CMIP: variants seen among roughly 807,000 people sequenced by gnomAD.
The protein encoded by CMIP is C-Maf-inducing protein.
CMIP carries 13 observed loss-of-function variants against 97.3 expected under a neutral mutation model. The observed-to-expected ratio is 0.13, with a 90% CI of 0.09 to 0.21. The LOEUF is 0.21. Ranked by LOEUF, CMIP falls within the 10% of genes least tolerant of loss-of-function variation. The pLI is 1.00. For missense variants in CMIP, 847 were observed against 1,024.9 expected, an observed-to-expected ratio of 0.83 and a Z score of 2.37; for synonymous variants, 538 against 436.3, an observed-to-expected ratio of 1.23 and a Z score of -2.91.
At chr16:81,688,042 A>G (rs11864158) in intron 10 of CMIP, among the ~76,000 whole-genome samples, 18,878 of 152,288 alleles carry the variant, frequency 0.12, 1,374 homozygotes, top group African/African-American at 0.2. Flanking sequence ...AGCGAATTGC[A>G]TCTGCGTTAT....
At chr16:81,589,673 A>T (rs1445185744) in intron 1 of CMIP, among the ~76,000 whole-genome samples, 1 of 152,178 alleles carries the variant, frequency 6.6e-6, no homozygotes, top group East Asian at 1.9e-4. Flanking sequence ...TAGATGCATA[A>T]CCATCGATTC....
At chr16:81,701,832 T>A in intron 16 of CMIP, 32 bp downstream of exon 16, 2 of 1,611,874 alleles carry the variant, frequency 1.2e-6, no homozygotes, top group Non-Finnish European at 1.7e-6. Context: ...ACCACTCCCC[T>A]GCCCAGCAGG....
At chr16:81,559,329 T>C (rs2966115) in intron 1 of CMIP, among the ~76,000 whole-genome samples, 129,763 of 152,236 alleles carry the variant, frequency 0.85, 55,617 homozygotes, top group African/African-American at 0.9. Flanking sequence ...ACTTATTTCA[T>C]GCTGGGCCAG....
intron 1 of CMIP, among the ~76,000 whole-genome samples, chr16:81,489,497 T>G (rs943914799): frequency 6.6e-6 from 1 of 152,146 alleles, no homozygotes; most frequent in Non-Finnish European, 1.5e-5. Context: ...GAGGTCTCCT[T>G]TGTGAGTCCC....
chr16:81,523,590 T>C (rs2966104), intron 1 of CMIP, among the ~76,000 whole-genome samples: 133,744 of 152,266 alleles, frequency 0.88, 58,928 homozygotes, highest in African/African-American at 0.93. Flanking sequence ...CTCGAGTCAC[T>C]CAGCCCAACC....
intron 1 of CMIP, among the ~76,000 whole-genome samples, chr16:81,541,627 G>T: frequency 6.6e-6 from 1 of 152,324 alleles, no homozygotes. Flanking sequence ...AGAGAGAACG[G>T]CTGTCTTTAT....
intron 1 of CMIP, among the ~76,000 whole-genome samples, chr16:81,522,968 C>G (rs2150809513): frequency 6.6e-6 from 1 of 152,074 alleles, no homozygotes; most frequent in East Asian, 1.9e-4. Context: ...ATTCTGTCAC[C>G]CAGGCCGGAG....
intron 10 of CMIP, among the ~76,000 whole-genome samples, chr16:81,680,458 G>A (rs1904760601): frequency 6.6e-6 from 1 of 152,226 alleles, no homozygotes. Context: ...CTGGTTTGAA[G>A]GAGATCGTGG....
intron 3 of CMIP, among the ~76,000 whole-genome samples, chr16:81,640,793 C>T (rs1164409705): frequency 8.8e-6 from 1 of 114,030 alleles, no homozygotes; most frequent in African/African-American, 3.1e-5. Flanking sequence ...TCCACATGGC[C>T]TTTTTATAAC....
chr16:81,603,190 C>T (rs2091686001), intron 1 of CMIP, among the ~76,000 whole-genome samples: 1 of 152,200 alleles, frequency 6.6e-6, no homozygotes, highest in Non-Finnish European at 1.5e-5. Flanking sequence ...CGCCATTCTC[C>T]TTCCTCAGCC....
At chr16:81,544,617 G>A (rs1176529713) in intron 1 of CMIP, among the ~76,000 whole-genome samples, 1 of 151,368 alleles carries the variant, frequency 6.6e-6, no homozygotes, top group East Asian at 2.0e-4. Flanking sequence ...CCACCACAGG[G>A]GTGCATGTGT....
At chr16:81,460,565 G>C (rs868496638) in intron 1 of CMIP, among the ~76,000 whole-genome samples, 4 of 152,102 alleles carry the variant, frequency 2.6e-5, no homozygotes, top group Admixed American at 6.5e-5. Flanking sequence ...GGTCACCCTA[G>C]GTAGAAAAAC....
At chr16:81,511,280 A>G (rs192912740) in intron 1 of CMIP, among the ~76,000 whole-genome samples, 16 of 152,344 alleles carry the variant, frequency 1.1e-4, no homozygotes, top group African/African-American at 3.8e-4. Flanking sequence ...TACCATCCTC[A>G]TGCCTAAGAA....
rs79759126 is a variant in CMIP, at chr16:81,517,944, G to C, written c.300+72403G>C. 800 of 983,158 alleles carry C rather than the reference G, an allele frequency of 8.1e-4. 10 individuals carry two copies. In the African/African-American group the frequency reaches 0.013, roughly 16 times the overall value. 60.9% of individuals were successfully genotyped at this position (983,158 alleles called of 1,614,324 possible). A position where few individuals can be genotyped will look rare whatever the true frequency, so the allele number is the denominator to read the frequency against. On this transcript the variant is annotated intron_variant, in intron 1 of 20. Transcript: ENST00000537098. Reference sequence around the variant, plus strand: ...AGCCACGAGATTCAAGGATTTTCTAGGAAAATGAACGCCAGTGGATGTGTG... The same window carrying C: ...AGCCACGAGATTCAAGGATTTTCTACGAAAATGAACGCCAGTGGATGTGTG...
chr16:81,614,253 C>A lies in CMIP; in HGVS notation c.426+6561C>A, dbSNP rs1198155668. Among the ~76,000 whole-genome samples, 1 of 152,210 alleles carries A rather than the reference C, an allele frequency of 6.6e-6. No individual in the cohort carries two copies. Among genetic ancestry groups the A allele is most frequent in the Non-Finnish European group, 1.5e-5 (1 of 68,032 alleles). On this transcript the variant is annotated intron_variant, in intron 2 of 20. Transcript: ENST00000537098. The surrounding 1 kb of genome is among the most constrained non-coding windows in gnomAD (Gnocchi z 5.3). ...GTCTGAGAGCAGGGCAGGCCAGGTG[C>A]TGCCACAGTCACCAGCGACCACGCA...
intron 1 of CMIP, among the ~76,000 whole-genome samples, chr16:81,499,286 C>T (rs2089551628): frequency 6.6e-6 from 1 of 152,196 alleles, no homozygotes; most frequent in Admixed American, 6.5e-5. Context: ...GCACATGCCT[C>T]ACACCTATGC....
intron 1 of CMIP, among the ~76,000 whole-genome samples, chr16:81,523,818 A>T (rs1214997076): frequency 6.6e-6 from 1 of 152,224 alleles, no homozygotes; most frequent in Non-Finnish European, 1.5e-5. Flanking sequence ...CCTCGCTCAG[A>T]CACAGCTTCC....
At chr16:81,512,835 C>A (rs771688569) in intron 1 of CMIP, among the ~76,000 whole-genome samples, 1 of 152,132 alleles carries the variant, frequency 6.6e-6, no homozygotes, top group African/African-American at 2.4e-5. Flanking sequence ...TTCCTGGGTT[C>A]AAGCAATTCT....
intron 1 of CMIP, among the ~76,000 whole-genome samples, chr16:81,549,081 C>CGT (rs2090604554): frequency 6.6e-6 from 1 of 152,162 alleles, no homozygotes; most frequent in Non-Finnish European, 1.5e-5. Context: ...GTGGAAAGGG[C>CGT]GTGGCCCAAA....
Sources: gnomAD v4.1 joint callset for allele counts (sites outside exome capture counted in the v4.1 genomes callset) on GRCh38, gnomAD v4.1.1 for gene constraint, Gnocchi (gnomAD v3.1) non-coding constraint, MANE v1.5 for transcripts, NCBI Gene and HGNC (gene_info 2026-07-23, HGNC 2026-07-21) for gene names.